CRACDL: variants seen among roughly 807,000 people sequenced by gnomAD.
The protein encoded by CRACDL is CRACD-like protein.
CRACDL carries 26 observed loss-of-function variants against 70.6 expected under a neutral mutation model. The ratio of observed to expected loss-of-function variants is 0.37; its 90% CI spans 0.27 to 0.51. The LOEUF (loss-of-function observed/expected upper bound fraction) is 0.51, where lower values mean the gene tolerates loss of function less well. CRACDL is among the 20% of genes least tolerant of loss of function. The pLI, the probability that CRACDL is intolerant of heterozygous loss-of-function variation, is 0.94. For synonymous variants in CRACDL, 618 were observed against 615.2 expected, an observed-to-expected ratio of 1.00 and a Z score of -0.07; for missense variants, 1,283 against 1,376.9, an observed-to-expected ratio of 0.93 and a Z score of 1.08.
At chr2:98,889,065 T>C (rs1707874827) in intron 1 of CRACDL, among the ~76,000 whole-genome samples, 1 of 148,056 alleles carries the variant, frequency 6.8e-6, no homozygotes, top group Admixed American at 6.7e-5. Context: ...GAGACAGAGG[T>C]TGCAGAGAGC....
chr2:98,807,520 GCCTGCCCC>G (rs1186792189), intron 7 of CRACDL, among the ~76,000 whole-genome samples: 1 of 152,226 alleles, frequency 6.6e-6, no homozygotes, highest in Non-Finnish European at 1.5e-5. Flanking sequence ...TGGGGCCCAT[GCCTGCCCC>G]AGCTGAGAAC....
At chr2:98,915,770 C>A (rs1305165279) in intron 1 of CRACDL, among the ~76,000 whole-genome samples, 5 of 151,964 alleles carry the variant, frequency 3.3e-5, no homozygotes, top group Admixed American at 1.3e-4. Context: ...AGACATCAAG[C>A]TTTCTCCAAC....
chr2:98,865,962 A>T (rs546603994), intron 1 of CRACDL, among the ~76,000 whole-genome samples: 158 of 151,886 alleles, frequency 1.0e-3, no homozygotes, highest in Non-Finnish European at 1.6e-4. Context: ...CACCGACCTC[A>T]GGTGATCCAC....
At chr2:98,918,547 A>G (rs76247857) in intron 1 of CRACDL, among the ~76,000 whole-genome samples, 1 of 143,292 alleles carries the variant, frequency 7.0e-6, no homozygotes. Flanking sequence ...ACCAAAAAAA[A>G]AAAAAAAAAA....
At chr2:98,931,422 C>T (rs1390001432) in intron 1 of CRACDL, among the ~76,000 whole-genome samples, 1 of 151,952 alleles carries the variant, frequency 6.6e-6, no homozygotes, top group African/African-American at 2.4e-5. Flanking sequence ...GACATTTTCT[C>T]CTCCCACATA....
intron 9 of CRACDL, 25 bp downstream of exon 9, chr2:98,796,095 G>A: frequency 3.1e-6 from 5 of 1,606,238 alleles, no homozygotes; most frequent in South Asian, 2.2e-5. Flanking sequence ...TTCAAAGTAT[G>A]TGGTAATGTT....
chr2:98,915,108 G>A (rs1241134171), intron 1 of CRACDL, among the ~76,000 whole-genome samples: 2 of 152,226 alleles, frequency 1.3e-5, no homozygotes, highest in Non-Finnish European at 2.9e-5. Context: ...GAAATAATGA[G>A]GGGAGGAAGG....
chr2:98,831,389 A>G (rs1199661474), intron 5 of CRACDL, among the ~76,000 whole-genome samples: 3 of 152,238 alleles, frequency 2.0e-5, no homozygotes, highest in Non-Finnish European at 4.4e-5. Context: ...TTCTGAACAC[A>G]ATTCAGAGAA....
At chr2:98,838,008 C>T (rs1483796063) in intron 3 of CRACDL, 111 bp downstream of exon 3, 10 of 889,918 alleles carry the variant, frequency 1.1e-5, no homozygotes, top group Non-Finnish European at 1.7e-5. Context: ...GGAAGAACCT[C>T]TAATGGAATT....
At chr2:98,921,564 C>T (rs951386631) in intron 1 of CRACDL, among the ~76,000 whole-genome samples, 1 of 152,228 alleles carries the variant, frequency 6.6e-6, no homozygotes, top group Non-Finnish European at 1.5e-5. Flanking sequence ...CAGGCTGGGC[C>T]TAGGACCAAC....
intron 1 of CRACDL, among the ~76,000 whole-genome samples, chr2:98,848,504 AGCTCAGTGCAAG>A (rs1706352619): frequency 5.3e-5 from 8 of 152,228 alleles, no homozygotes; most frequent in Non-Finnish European, 8.8e-5. Context: ...ACTGAGCTCT[AGCTCAGTGCAAG>A]AGTTTTCCAT....
At chr2:98,899,804 G>A (rs1280761543) in intron 1 of CRACDL, among the ~76,000 whole-genome samples, 2 of 124,318 alleles carry the variant, frequency 1.6e-5, no homozygotes, top group African/African-American at 3.1e-5. Context: ...GCAGGGAATG[G>A]AGGCTCAGTG....
chr2:98,868,159 C>T (rs1458850742), intron 1 of CRACDL, among the ~76,000 whole-genome samples: 1 of 152,212 alleles, frequency 6.6e-6, no homozygotes, highest in Non-Finnish European at 1.5e-5. Flanking sequence ...GCCCTGTCTT[C>T]ACAAGGAATC....
At chr2:98,800,144 A>G (rs1196970930) in intron 7 of CRACDL, among the ~76,000 whole-genome samples, 1 of 152,232 alleles carries the variant, frequency 6.6e-6, no homozygotes, top group African/African-American at 2.4e-5. Context: ...AGGTGGGAAA[A>G]TAAACAACAA....
Position 98,793,904 on chromosome 2 carries a change from T to C in CRACDL, c.*628A>G, listed in dbSNP as rs886726514. On this transcript the variant is annotated 3_prime_UTR_variant, in exon 10 of 10. Transcript: ENST00000397899. ...ATTGTGCAGTGGTTAAAGACACAGA[T>C]GCCTAGTGGAAAAGTTTAAAAATTA... 3 of 152,710 alleles carry C rather than the reference T, an allele frequency of 2.0e-5. No individual in the cohort carries two copies. The highest frequency in any genetic ancestry group is 4.4e-5 in the Non-Finnish European group (3 of 68,078). 9.5% of individuals were successfully genotyped at this position (152,710 alleles called of 1,614,324 possible).
intron 1 of CRACDL, among the ~76,000 whole-genome samples, chr2:98,922,438 CAAAA>C (rs565954351): frequency 1.6e-5 from 1 of 63,458 alleles, no homozygotes; most frequent in Admixed American, 1.8e-4. Context: ...GACTCCGTCT[CAAAA>C]AAAAAAAAAA....
At chr2:98,920,873 G>A (rs1374606207) in intron 1 of CRACDL, among the ~76,000 whole-genome samples, 1 of 152,230 alleles carries the variant, frequency 6.6e-6, no homozygotes, top group African/African-American at 2.4e-5. Context: ...GCCCACAGCT[G>A]CAGCAAATGC....
At chr2:98,828,333 G>A (rs181250854) in intron 5 of CRACDL, among the ~76,000 whole-genome samples, 11 of 152,324 alleles carry the variant, frequency 7.2e-5, no homozygotes, top group East Asian at 3.9e-4. Flanking sequence ...CCTTCTATTC[G>A]AGCACGGTGT....
At chr2:98,818,819 A>T (rs1559210215) in intron 7 of CRACDL, among the ~76,000 whole-genome samples, 1 of 152,184 alleles carries the variant, frequency 6.6e-6, no homozygotes, top group Non-Finnish European at 1.5e-5. Context: ...TCAGCATGAG[A>T]TAGCCCCTCA....
Sources: gnomAD v4.1 joint callset for allele counts (sites outside exome capture counted in the v4.1 genomes callset) on GRCh38, gnomAD v4.1.1 for gene constraint, MANE v1.5 for transcripts, NCBI Gene and HGNC (gene_info 2026-07-23, HGNC 2026-07-21) for gene names.